The following DHRSX variants were observed in gnomAD, a reference collection of about 807,000 sequenced individuals.
The protein encoded by DHRSX is dehydrogenase/reductase X-linked.
Under a neutral mutation model 34.0 loss-of-function variants are expected in DHRSX, and 31 were observed. The observed-to-expected ratio is 0.91, with a 90% CI of 0.69 to 1.23. The LOEUF is 1.23. Among genes scored for constraint, DHRSX ranks in the 50% most tolerant of loss-of-function variants. The pLI, the probability that DHRSX is intolerant of heterozygous loss-of-function variation, is 0.00. For synonymous variants in DHRSX, 201 were observed against 183.8 expected (o/e 1.09, Z -0.76); for missense variants, 414 against 428.1 (o/e 0.97, Z 0.29).
chrX:2,271,663 A>G (rs962362116), intron 4 of DHRSX, among the ~76,000 whole-genome samples: 2 of 152,210 alleles, frequency 1.3e-5, no homozygotes, highest in African/African-American at 4.8e-5. Context: ...CATGTGTATT[A>G]AACATTCAAC....
intron 1 of DHRSX, among the ~76,000 whole-genome samples, chrX:2,458,895 C>T (rs1389933487): frequency 6.6e-6 from 1 of 151,904 alleles, no homozygotes; most frequent in Non-Finnish European, 1.5e-5. Flanking sequence ...GTCCCAGCTA[C>T]TTGGGAGGCT....
intron 3 of DHRSX, among the ~76,000 whole-genome samples, chrX:2,315,758 G>T (rs2042234478): frequency 6.6e-6 from 1 of 152,142 alleles, no homozygotes; most frequent in South Asian, 2.1e-4. Flanking sequence ...TGGAATTAAG[G>T]TGTCAGACAA....
intron 3 of DHRSX, among the ~76,000 whole-genome samples, chrX:2,325,378 T>C (rs2042370299): frequency 6.6e-6 from 1 of 152,076 alleles, no homozygotes. Flanking sequence ...GGTTCCATCT[T>C]CCCGGCAGGA....
Position 2,245,972 on chromosome X carries a change from A to C in DHRSX, c.597-2742T>G, listed in dbSNP as rs771471701. On this transcript the variant is annotated intron_variant, in intron 5 of 6. Transcript: ENST00000334651. ...GTGAGACTCCATCTCAAAAAAAACA[A>C]AAAAACAAAAAAACACACAAACAAA... Among the ~76,000 whole-genome samples, 11 of 149,328 alleles carry C rather than the reference A, an allele frequency of 7.4e-5. No individual in the cohort carries two copies. In the East Asian group the frequency reaches 1.6e-3, roughly 21 times the overall value.
At chrX:2,403,869 A>C (rs2043520550) in intron 3 of DHRSX, among the ~76,000 whole-genome samples, 1 of 152,068 alleles carries the variant, frequency 6.6e-6, no homozygotes. Flanking sequence ...AAAAAAAAAA[A>C]AAAAATTATT....
chrX:2,360,494 A>C (rs1050732522), intron 3 of DHRSX, among the ~76,000 whole-genome samples: 3 of 152,064 alleles, frequency 2.0e-5, no homozygotes, highest in Admixed American at 6.6e-5. Flanking sequence ...GAGGCAGGAG[A>C]ATCGCTTGAA....
chrX:2,341,440 A>G (rs564614703), intron 3 of DHRSX, among the ~76,000 whole-genome samples: 12 of 152,094 alleles, frequency 7.9e-5, no homozygotes, highest in Admixed American at 4.6e-4. Flanking sequence ...CCCTGGGCTT[A>G]TGGCCGCATC....
chrX:2,329,598 G>T (rs1398785870), intron 3 of DHRSX, among the ~76,000 whole-genome samples: 1 of 152,140 alleles, frequency 6.6e-6, no homozygotes, highest in Non-Finnish European at 1.5e-5. Flanking sequence ...ACTAGTCTCA[G>T]CCTGCATGGA....
At chrX:2,418,965 G>C (rs1377982839) in intron 2 of DHRSX, among the ~76,000 whole-genome samples, 1 of 152,158 alleles carries the variant, frequency 6.6e-6, no homozygotes, top group African/African-American at 2.4e-5. Flanking sequence ...TCAGGTCCCA[G>C]GGAGATGTAA....
chrX:2,229,901 G>T (rs2015830954), intron 6 of DHRSX, among the ~76,000 whole-genome samples: 1 of 152,118 alleles, frequency 6.6e-6, no homozygotes, highest in African/African-American at 2.4e-5. Context: ...ATATGTGTGA[G>T]TACATGTACG....
At position 2,337,461 on chromosome X, in the gene DHRSX, C is replaced by T. The variant is rs774229141; in HGVS notation, c.287-45858G>A. Among the ~76,000 whole-genome samples the T allele has an allele frequency of 2.6e-5, 4 of 152,214 alleles. No individual in the cohort carries two copies. In the East Asian group the frequency reaches 7.7e-4, roughly 29 times the overall value. On this transcript the variant is annotated intron_variant, in intron 3 of 6. Transcript: ENST00000334651. ...AATAGAAAATTCACTTTTAATCTTG[C>T]TTAAAACAAGTTTTTTTGTTTTTTG...
chrX:2,490,141 C>A, intron 1 of DHRSX: 1 of 1,613,956 alleles, frequency 6.2e-7, no homozygotes, highest in Non-Finnish European at 8.5e-7. Flanking sequence ...AGATGCCACA[C>A]CAGGTGGCCT....
chrX:2,462,666 G>T (rs937982936), intron 1 of DHRSX, among the ~76,000 whole-genome samples: 1 of 152,036 alleles, frequency 6.6e-6, no homozygotes, highest in East Asian at 1.9e-4. Context: ...GGCTTCCCCA[G>T]GTACTGCAAA....
chrX:2,335,996 CTTTTGT>C (rs930255874), intron 3 of DHRSX, among the ~76,000 whole-genome samples: 26 of 152,000 alleles, frequency 1.7e-4, no homozygotes, highest in East Asian at 3.9e-4. Flanking sequence ...TAATATCATG[CTTTTGT>C]TTTTGTTTTT....
intron 3 of DHRSX, among the ~76,000 whole-genome samples, chrX:2,337,666 T>G (rs1424865507): frequency 1.3e-5 from 2 of 152,032 alleles, no homozygotes; most frequent in African/African-American, 2.4e-5. Context: ...TCTAACCACC[T>G]GGAGACGGGA....
chrX:2,452,518 T>C (rs2044237842), intron 1 of DHRSX, among the ~76,000 whole-genome samples: 1 of 151,936 alleles, frequency 6.6e-6, no homozygotes, highest in African/African-American at 2.4e-5. Context: ...CTCCGCCATG[T>C]ACACAGTGAA....
intron 5 of DHRSX, among the ~76,000 whole-genome samples, chrX:2,263,017 G>A (rs140974592): frequency 0.028 from 4,273 of 152,360 alleles, 192 homozygotes; most frequent in African/African-American, 0.096. Flanking sequence ...TAGTCCTGAG[G>A]GTACTCCAGG....
chrX:2,306,541 A>C (rs924688483), intron 3 of DHRSX, among the ~76,000 whole-genome samples: 20 of 150,836 alleles, frequency 1.3e-4, no homozygotes, highest in South Asian at 1.3e-3. Flanking sequence ...GGCTCACTGC[A>C]ACCTCCACCC....
At chrX:2,393,547 CTGTCT>C (rs2043363682) in intron 3 of DHRSX, among the ~76,000 whole-genome samples, 1 of 150,848 alleles carries the variant, frequency 6.6e-6, no homozygotes, top group Admixed American at 6.6e-5. Flanking sequence ...AGGGACCTCC[CTGTCT>C]CCGGCGCACA....
Sources: allele counts gnomAD v4.1 joint callset (sites outside exome capture counted in the v4.1 genomes callset), GRCh38; gene constraint gnomAD v4.1.1; transcripts MANE v1.5; gene names NCBI Gene and HGNC (gene_info 2026-07-23, HGNC 2026-07-21).